Variants in GALNT18 observed in about 807,000 individuals in gnomAD.
GALNT18 encodes the protein polypeptide N-acetylgalactosaminyltransferase 18, also known as GalNAc-transferase 18.
GALNT18 carries 44 observed loss-of-function variants against 69.5 expected under a neutral mutation model. That is an observed-to-expected ratio of 0.63 (90% confidence interval 0.50 to 0.81). The LOEUF (loss-of-function observed/expected upper bound fraction) is 0.81, where lower values mean the gene tolerates loss of function less well. GALNT18 is among the 40% of genes least tolerant of loss of function. The pLI is 0.00. For synonymous variants in GALNT18, 364 were observed against 318.2 expected (o/e 1.14, Z -1.53); for missense variants, 715 against 810.0 (o/e 0.88, Z 1.42).
intron 6 of GALNT18, among the ~76,000 whole-genome samples, chr11:11,366,675 AT>A (rs1320630527): frequency 2.0e-5 from 3 of 152,204 alleles, no homozygotes; most frequent in Non-Finnish European, 4.4e-5. Context: ...TGCCATTGTT[AT>A]TTAGCTGATA....
At chr11:11,419,845 G>C (rs1239438131) in intron 3 of GALNT18, among the ~76,000 whole-genome samples, 1 of 151,994 alleles carries the variant, frequency 6.6e-6, no homozygotes, top group Non-Finnish European at 1.5e-5. Flanking sequence ...CATAACCTGG[G>C]CACAGTCTGC....
rs981108876 is a variant in GALNT18, at chr11:11,315,858, C to T, written c.1512+11228G>A. Among the ~76,000 whole-genome samples the T allele has an allele frequency of 6.6e-6, 1 of 152,100 alleles. No individual in the cohort carries two copies. Among genetic ancestry groups the T allele is most frequent in the African/African-American group, 2.4e-5 (1 of 41,402 alleles). On this transcript the variant is annotated intron_variant, in intron 9 of 10. Transcript: ENST00000227756. This position sits in a 1 kb window ranked among gnomAD's most constrained non-coding sequence, Gnocchi z 5.6. ...ACATTGCACATCCACCACTACCCTG[C>T]ACCCCCTCAAACAACCATCCTGCAC...
chr11:11,512,139 A>C (rs534392636), intron 1 of GALNT18, among the ~76,000 whole-genome samples: 1 of 152,316 alleles, frequency 6.6e-6, no homozygotes, highest in Non-Finnish European at 1.5e-5. Context: ...AAAGTCACCA[A>C]AGACGAAAGC....
chr11:11,463,225 C>CAG lies in GALNT18; in HGVS notation c.236-14291_236-14290dup, dbSNP rs367803547. On this transcript the variant is annotated intron_variant, in intron 1 of 10. Coordinates refer to ENST00000227756, the MANE Select transcript of GALNT18 (RefSeq NM_198516.3). This position sits in a 1 kb window ranked among gnomAD's most constrained non-coding sequence, Gnocchi z 4.2. ...AGACAGACAGACACACACACACACA[C>CAG]AGAGAGAGAGAGAGAGAGTTCCAGA... 0.012 allele frequency among the ~76,000 whole-genome samples: 765 copies of CAG among 64,616 alleles called. 7 individuals carry two copies. The highest frequency in any genetic ancestry group is 0.033 in the African/African-American group (717 of 21,804). 42.4% of individuals were successfully genotyped at this position (64,616 alleles called of 152,430 possible). A position where few individuals can be genotyped will look rare whatever the true frequency, so the allele number is the denominator to read the frequency against.
In GALNT18 at chr11:11,546,683, C is replaced by A. The variant is rs1055062136; in HGVS notation, c.235+74676G>T. 1.3e-5 allele frequency among the ~76,000 whole-genome samples: 2 copies of A among 152,174 alleles called. No individual in the cohort carries two copies. Among genetic ancestry groups the A allele is most frequent in the Non-Finnish European group, 2.9e-5 (2 of 68,034 alleles). ...CTGACCTCTAACCATACAAATACACCTATTCCTCAAACAGGCCTTGGTATC... is the reference window on the plus strand; with the variant it reads ...CTGACCTCTAACCATACAAATACACATATTCCTCAAACAGGCCTTGGTATC... On this transcript the variant is annotated intron_variant, in intron 1 of 10. Coordinates refer to ENST00000227756, the MANE Select transcript of GALNT18 (RefSeq NM_198516.3). This position sits in a 1 kb window ranked among gnomAD's most constrained non-coding sequence, Gnocchi z 5.8.
chr11:11,589,994 C>T (rs1859317493), intron 1 of GALNT18, among the ~76,000 whole-genome samples: 1 of 152,184 alleles, frequency 6.6e-6, no homozygotes, highest in Non-Finnish European at 1.5e-5. Flanking sequence ...GTTACACAGA[C>T]CTAGGTCCTA....
intron 1 of GALNT18, among the ~76,000 whole-genome samples, chr11:11,529,190 G>T (rs1467778819): frequency 6.6e-6 from 1 of 152,338 alleles, no homozygotes; most frequent in Admixed American, 6.5e-5. Flanking sequence ...GTGTCAACTT[G>T]TCTGGGCCAT....
At chr11:11,452,751 C>T (rs931691950) in intron 1 of GALNT18, among the ~76,000 whole-genome samples, 15 of 152,112 alleles carry the variant, frequency 9.9e-5, no homozygotes, top group African/African-American at 3.6e-4. Context: ...TCTGGTGATA[C>T]CCAGACCCTC....
intron 5 of GALNT18, among the ~76,000 whole-genome samples, chr11:11,373,729 T>G (rs1175860359): frequency 3.3e-5 from 5 of 152,208 alleles, no homozygotes; most frequent in Non-Finnish European, 2.9e-5. Context: ...GTGCAGCACC[T>G]CACAGAGAAT....
At chr11:11,391,092 C>G (rs1432610197) in intron 3 of GALNT18, among the ~76,000 whole-genome samples, 1 of 152,190 alleles carries the variant, frequency 6.6e-6, no homozygotes, top group Admixed American at 6.5e-5. Context: ...CTCTGTCCTG[C>G]ATTTCTGAGA....
At chr11:11,575,485 G>A (rs1858903588) in intron 1 of GALNT18, among the ~76,000 whole-genome samples, 1 of 152,248 alleles carries the variant, frequency 6.6e-6, no homozygotes, top group African/African-American at 2.4e-5. Context: ...TAGGCAAGGA[G>A]GCTGGATGTG....
intron 7 of GALNT18, among the ~76,000 whole-genome samples, chr11:11,336,508 A>G (rs1346013600): frequency 6.6e-6 from 1 of 152,204 alleles, no homozygotes; most frequent in Non-Finnish European, 1.5e-5. Context: ...AAGTCTTTAC[A>G]TGTATTAACT....
rs1386185548 is a variant in GALNT18 at position 11,315,442 on chromosome 11, G to A, written c.1512+11644C>T. Among the ~76,000 whole-genome samples, 1 of 152,202 alleles carries A rather than the reference G, an allele frequency of 6.6e-6. No homozygotes were observed. The highest frequency in any genetic ancestry group is 1.5e-5 in the Non-Finnish European group (1 of 68,036). On this transcript the variant is annotated intron_variant, in intron 9 of 10. Coordinates refer to ENST00000227756, the MANE Select transcript of GALNT18 (RefSeq NM_198516.3). This position sits in a 1 kb window ranked among gnomAD's most constrained non-coding sequence, Gnocchi z 5.6. ...ACACAGGCAAGGATACGTTAGGCATGGGTCTTCATGGATTCTCAAAGGGCT... is the reference window on the plus strand; with the variant it reads ...ACACAGGCAAGGATACGTTAGGCATAGGTCTTCATGGATTCTCAAAGGGCT...
chr11:11,588,912 G>A (rs1171788245), intron 1 of GALNT18, among the ~76,000 whole-genome samples: 1 of 152,168 alleles, frequency 6.6e-6, no homozygotes, highest in African/African-American at 2.4e-5. Flanking sequence ...TACTAAAAGG[G>A]CCTGTTTTTG....
At chr11:11,608,346 C>T (rs924153831) in intron 1 of GALNT18, among the ~76,000 whole-genome samples, 4 of 151,868 alleles carry the variant, frequency 2.6e-5, no homozygotes, top group Non-Finnish European at 4.4e-5. Context: ...TGGGGGTGCT[C>T]GCCTGTCTTT....
chr11:11,297,507 C>T lies in GALNT18; in HGVS notation c.1513-4314G>A, dbSNP rs535479246. Among the ~76,000 whole-genome samples the T allele has an allele frequency of 3.3e-5, 5 of 152,302 alleles. No homozygotes were observed. In the East Asian group the frequency reaches 9.7e-4, roughly 29 times the overall value. ...GCGACCACTCACCTCCCTTGCCCACCTCCCTGGGGTCACTCCAGCTCCAGC... is the reference window on the plus strand; with the variant it reads ...GCGACCACTCACCTCCCTTGCCCACTTCCCTGGGGTCACTCCAGCTCCAGC... On this transcript the variant is annotated intron_variant, in intron 9 of 10. Coordinates refer to ENST00000227756, the MANE Select transcript of GALNT18 (RefSeq NM_198516.3).
intron 3 of GALNT18, among the ~76,000 whole-genome samples, chr11:11,393,952 T>C (rs1854258149): frequency 6.6e-6 from 1 of 152,276 alleles, no homozygotes; most frequent in Non-Finnish European, 1.5e-5. Context: ...TGTGTTCAAC[T>C]GGCAGATATT....
intron 2 of GALNT18, among the ~76,000 whole-genome samples, chr11:11,441,723 G>A (rs1296920891): frequency 6.6e-6 from 1 of 152,194 alleles, no homozygotes; most frequent in Non-Finnish European, 1.5e-5. Context: ...TTCGCTCATG[G>A]TTAGCAACTC....
Position 11,500,824 on chromosome 11 carries a change from C to CA in GALNT18, c.236-51889dup, listed in dbSNP as rs1473318678. 3.3e-5 allele frequency among the ~76,000 whole-genome samples: 5 copies of CA among 152,248 alleles called. No individual in the cohort carries two copies. Among genetic ancestry groups the CA allele is most frequent in the African/African-American group, 1.2e-4 (5 of 41,462 alleles). On this transcript the variant is annotated intron_variant, in intron 1 of 10. Coordinates refer to ENST00000227756, the MANE Select transcript of GALNT18 (RefSeq NM_198516.3). The surrounding 1 kb of genome is among the most constrained non-coding windows in gnomAD (Gnocchi z 5.0). Reference sequence around the variant, plus strand: ...ATAAAGAAGGTAAAAAGGCCGGGCACAGCACCAGGCTCTCCCCAAACCTGG... The same window carrying CA: ...ATAAAGAAGGTAAAAAGGCCGGGCACAAGCACCAGGCTCTCCCCAAACCTGG...
Sources: allele counts gnomAD v4.1 joint callset (sites outside exome capture counted in the v4.1 genomes callset), GRCh38; gene constraint gnomAD v4.1.1; non-coding constraint Gnocchi (gnomAD v3.1); transcripts MANE v1.5; gene names NCBI Gene and HGNC (gene_info 2026-07-23, HGNC 2026-07-21).